Variants in TOB2 observed in about 807,000 individuals in gnomAD.
TOB2 encodes transducer of ERBB2, 2, also known as protein Tob2.
Under a neutral mutation model 17.3 loss-of-function variants are expected in TOB2, and 3 were observed. That is an observed-to-expected ratio of 0.17 (90% confidence interval 0.08 to 0.45). TOB2 has a LOEUF of 0.45. Ranked by LOEUF, TOB2 falls within the 20% of genes least tolerant of loss-of-function variation. The pLI, the probability that TOB2 is intolerant of heterozygous loss-of-function variation, is 0.99. For missense variants in TOB2, 407 were observed against 445.7 expected, an observed-to-expected ratio of 0.91 and a Z score of 0.78; for synonymous variants, 163 against 185.6, an observed-to-expected ratio of 0.88 and a Z score of 0.99.
intron 1 of TOB2, among the ~76,000 whole-genome samples, chr22:41,439,779 G>A (rs1216598967): frequency 2.0e-5 from 3 of 152,192 alleles, no homozygotes; most frequent in Non-Finnish European, 4.4e-5. Flanking sequence ...GTCTCCCAAA[G>A]TGCTGGGATT....
chr22:41,436,264 C>T lies in TOB2; in HGVS notation c.*47G>A. 2 of 1,483,478 alleles carry T rather than the reference C, an allele frequency of 1.3e-6. No homozygotes were observed. Among genetic ancestry groups the T allele is most frequent in the Non-Finnish European group, 8.9e-7 (1 of 1,117,550 alleles). 91.9% of individuals were successfully genotyped at this position (1,483,478 alleles called of 1,614,324 possible). On this transcript the variant is annotated 3_prime_UTR_variant, in exon 2 of 2. Transcript: ENST00000327492. This position sits in a 1 kb window ranked among gnomAD's most constrained non-coding sequence, Gnocchi z 4.8. ...CTCTTTTTTTTGGCCTTTCCTTTCT[C>T]TTTTCTGTGGTCTTGGGTGCTCCTG... is the stretch of plus-strand genomic sequence containing the variant.
Position 41,434,851 on chromosome 22 carries a change from C to T in TOB2, c.*1460G>A, listed in dbSNP as rs878943661. ...AGTGCTCTCCTATGATCCAATACAT[C>T]AGGCGGGAGTGCTGAGTCCGTCAGG... is the stretch of plus-strand genomic sequence containing the variant. On this transcript the variant is annotated 3_prime_UTR_variant, in exon 2 of 2. Coordinates refer to ENST00000327492, the MANE Select transcript of TOB2 (RefSeq NM_016272.4). 6.5e-6 allele frequency: 1 copy of T among 152,676 alleles called. No individual in the cohort carries two copies. Among genetic ancestry groups the T allele is most frequent in the Middle Eastern group, 3.4e-3 (1 of 298 alleles). The allele number at this position is 152,676 out of a possible 1,614,324, so 9.5% of individuals were successfully genotyped here. A position where few individuals can be genotyped will look rare whatever the true frequency, so the allele number is the denominator to read the frequency against.
Position 41,436,195 on chromosome 22 carries a change from T to C in TOB2, c.*116A>G. On this transcript the variant is annotated 3_prime_UTR_variant, in exon 2 of 2. Transcript: ENST00000327492. The surrounding 1 kb of genome is among the most constrained non-coding windows in gnomAD (Gnocchi z 4.8). ...CTGGGCTGGATCTTTTTTCTAGAAG[T>C]AAGAGTGAGAAGATCGAAAATCTTT... is the stretch of plus-strand genomic sequence containing the variant. 7.5e-7 allele frequency: 1 copy of C among 1,341,752 alleles called. No homozygotes were observed. The highest frequency in any genetic ancestry group is 1.5e-5 in the African/African-American group (1 of 68,044). 83.1% of individuals were successfully genotyped at this position (1,341,752 alleles called of 1,614,324 possible). A position where few individuals can be genotyped will look rare whatever the true frequency, so the allele number is the denominator to read the frequency against.
chr22:41,445,347 C>T (rs916610306), intron 1 of TOB2, among the ~76,000 whole-genome samples: 1 of 152,230 alleles, frequency 6.6e-6, no homozygotes, highest in South Asian at 2.1e-4. Flanking sequence ...TCCTTCCTCC[C>T]ACACAAGCTT....
At chr22:41,438,942 A>C (rs1373283149) in intron 1 of TOB2, among the ~76,000 whole-genome samples, 2 of 152,094 alleles carry the variant, frequency 1.3e-5, no homozygotes, top group Non-Finnish European at 2.9e-5. Flanking sequence ...AGATTTATCA[A>C]GTGTTTTGAG....
At chr22:41,446,112 CCCA>C (rs1251212408) in intron 1 of TOB2, among the ~76,000 whole-genome samples, 4 of 152,032 alleles carry the variant, frequency 2.6e-5, no homozygotes, top group African/African-American at 9.7e-5. Context: ...GGAAATGCAC[CCCA>C]CCCAGGAGAG....
chr22:41,445,694 C>T (rs1307492739), intron 1 of TOB2, among the ~76,000 whole-genome samples: 1 of 152,138 alleles, frequency 6.6e-6, no homozygotes, highest in African/African-American at 2.4e-5. Context: ...GGGGTAGGGC[C>T]CCACCTCGCA....
chr22:41,436,778 T>G lies in TOB2; in HGVS notation c.568A>C (p.Lys190Gln). 2 of 1,613,924 alleles carry G rather than the reference T, an allele frequency of 1.2e-6. No individual in the cohort carries two copies. The highest frequency in any genetic ancestry group is 1.7e-6 in the Non-Finnish European group (2 of 1,179,888). The change falls in exon 2 of 2, where the codon AAG becomes CAG. Residue 190 changes from lysine to glutamine, a missense_variant. Physicochemically the swap from Lys to Gln is moderately conservative, Grantham distance 53 (BLOSUM62 1). Coordinates refer to ENST00000327492, the MANE Select transcript of TOB2 (RefSeq NM_016272.4). This position sits in a 1 kb window ranked among gnomAD's most constrained non-coding sequence, Gnocchi z 4.8. Reference sequence around the variant, plus strand: ...GCTGCCCCGCCCCCCTTCTTCATCTTAGTGGAGCCAAATTTGGTGGCAGCG... The same window carrying G: ...GCTGCCCCGCCCCCCTTCTTCATCTGAGTGGAGCCAAATTTGGTGGCAGCG... ...SFAATKFGST[K>Q]MKKGGGAASG...
intron 1 of TOB2, among the ~76,000 whole-genome samples, chr22:41,445,655 A>C (rs561346802): frequency 1.3e-5 from 2 of 152,270 alleles, no homozygotes; most frequent in East Asian, 3.9e-4. Flanking sequence ...GGCACAGTTC[A>C]TCCTCCGGAC....
In TOB2 at chr22:41,436,072, A is replaced by G. The variant is rs2037542372; in HGVS notation, c.*239T>C. 2.3e-6 allele frequency: 1 copy of G among 432,938 alleles called. No individual in the cohort carries two copies. The highest frequency in any genetic ancestry group is 3.4e-5 in the East Asian group (1 of 28,998). The allele number at this position is 432,938 out of a possible 1,614,324, so 26.8% of individuals were successfully genotyped here. A position where few individuals can be genotyped will look rare whatever the true frequency, so the allele number is the denominator to read the frequency against. On this transcript the variant is annotated 3_prime_UTR_variant, in exon 2 of 2. Coordinates refer to ENST00000327492, the MANE Select transcript of TOB2 (RefSeq NM_016272.4). This position sits in a 1 kb window ranked among gnomAD's most constrained non-coding sequence, Gnocchi z 4.8. ...AAAAAAAAAAAGAAAAAGAAATATA[A>G]AACCCAAACCAACCAAATAAATCAC...
At chr22:41,438,678 C>T (rs1453957492) in intron 1 of TOB2, among the ~76,000 whole-genome samples, 1 of 73,818 alleles carries the variant, frequency 1.4e-5, no homozygotes, top group Non-Finnish European at 2.9e-5. Context: ...AGACATAAGA[C>T]AAGAGCATGA....
Position 41,434,618 on chromosome 22 carries a change from C to T in TOB2, c.*1693G>A, listed in dbSNP as rs921396679. On this transcript the variant is annotated 3_prime_UTR_variant, in exon 2 of 2. Transcript: ENST00000327492. ...GCCTGGGCTGGACCCACTGCCATAACAGTTGCCTACTTGGGGTCCCTGGGT... is the reference window on the plus strand; with the variant it reads ...GCCTGGGCTGGACCCACTGCCATAATAGTTGCCTACTTGGGGTCCCTGGGT... 6 of 152,736 alleles carry T rather than the reference C, an allele frequency of 3.9e-5. No homozygotes were observed. The highest frequency in any genetic ancestry group is 1.3e-4 in the Admixed American group (2 of 15,270). The allele number at this position is 152,736 out of a possible 1,614,324, so 9.5% of individuals were successfully genotyped here. A position where few individuals can be genotyped will look rare whatever the true frequency, so the allele number is the denominator to read the frequency against.
Position 41,437,021 on chromosome 22 carries a change from C to A in TOB2, c.325G>T (p.Val109Leu). 6.2e-7 allele frequency: 1 copy of A among 1,614,180 alleles called. No individual in the cohort carries two copies. The highest frequency in any genetic ancestry group is 8.5e-7 in the Non-Finnish European group (1 of 1,180,040). ...VSYQIGEKGA[V>L]KVLYLDDSEG... ...CTGTCATCCAGGTACAGCACTTTCA[C>A]AGCTCCCTTCTCACCAATCTGGTAG... is the stretch of plus-strand genomic sequence containing the variant. The change falls in exon 2 of 2, where the codon GTG becomes TTG. Residue 109 changes from valine to leucine, a missense_variant. Val to Leu is a conservative substitution (Grantham distance 32, BLOSUM62 1). Coordinates refer to ENST00000327492, the MANE Select transcript of TOB2 (RefSeq NM_016272.4).
chr22:41,443,276 C>G (rs1222098135), intron 1 of TOB2, among the ~76,000 whole-genome samples: 1 of 152,126 alleles, frequency 6.6e-6, no homozygotes, highest in Non-Finnish European at 1.5e-5. Context: ...GTGTGTCACA[C>G]GCGCGCGCAT....
Position 41,437,268 on chromosome 22 carries a change from G to T in TOB2, c.78C>A (p.Asp26Glu). The change falls in exon 2 of 2, where the codon GAC becomes GAA. Residue 26 changes from aspartate to glutamate, a missense_variant. Transcript: ENST00000327492. Reference protein sequence around the residue: ...LYNKLPRRRADLFGEELERLL... With the variant: ...LYNKLPRRRAELFGEELERLL... Reference sequence around the variant, plus strand: ...GCCGCTCTAGCTCCTCCCCAAACAGGTCTGCCCGGCGCCGGGGCAGCTTGT... The same window carrying T: ...GCCGCTCTAGCTCCTCCCCAAACAGTTCTGCCCGGCGCCGGGGCAGCTTGT... The T allele has an allele frequency of 1.2e-6, 2 of 1,614,108 alleles. No homozygotes were observed. The highest frequency in any genetic ancestry group is 1.7e-6 in the Non-Finnish European group (2 of 1,180,034).
chr22:41,437,015 C>G lies in TOB2; in HGVS notation c.331G>C (p.Val111Leu). The G allele has an allele frequency of 6.2e-7, 1 of 1,614,188 alleles. No homozygotes were observed. The highest frequency in any genetic ancestry group is 1.6e-4 in the Middle Eastern group (1 of 6,062). ...YQIGEKGAVKVLYLDDSEGCG... is the reference protein window; with the variant it reads ...YQIGEKGAVKLLYLDDSEGCG... The stretch of plus-strand genomic sequence containing the variant: ...CCCTCACTGTCATCCAGGTACAGCA[C>G]TTTCACAGCTCCCTTCTCACCAATC... Residue 111 changes from valine (V) to leucine (L), a missense_variant, in exon 2 of 2, where the codon GTG becomes CTG. Transcript: ENST00000327492.
chr22:41,446,168 C>A (rs2037684723), intron 1 of TOB2, among the ~76,000 whole-genome samples: 1 of 152,146 alleles, frequency 6.6e-6, no homozygotes, highest in South Asian at 2.1e-4. Flanking sequence ...CTTGGGCACC[C>A]CAGGAGCACA....
chr22:41,437,221 C>A lies in TOB2; in HGVS notation c.125G>T (p.Gly42Val). Residue 42 changes from glycine (G) to valine (V), a missense_variant, in exon 2 of 2, where the codon GGC becomes GTC. Coordinates refer to ENST00000327492, the MANE Select transcript of TOB2 (RefSeq NM_016272.4). ...LERLLKKKYE[G>V]HWYPEKPLKG... ...CAGTGGCTTCTCAGGGTACCAGTGGCCTTCATATTTCTTTTTCAAAAGCCG... is the reference window on the plus strand; with the variant it reads ...CAGTGGCTTCTCAGGGTACCAGTGGACTTCATATTTCTTTTTCAAAAGCCG... 6.2e-7 allele frequency: 1 copy of A among 1,614,070 alleles called. No individual in the cohort carries two copies. Among genetic ancestry groups the A allele is most frequent in the Non-Finnish European group, 8.5e-7 (1 of 1,180,000 alleles).
At chr22:41,438,370 T>C (rs916725506) in intron 1 of TOB2, among the ~76,000 whole-genome samples, 4 of 151,996 alleles carry the variant, frequency 2.6e-5, no homozygotes, top group Non-Finnish European at 5.9e-5. Context: ...GGCTCATGCC[T>C]GTAATCCCAG....
Sources: allele counts gnomAD v4.1 joint callset (sites outside exome capture counted in the v4.1 genomes callset), GRCh38; gene constraint gnomAD v4.1.1; non-coding constraint Gnocchi (gnomAD v3.1); transcripts MANE v1.5; gene names NCBI Gene and HGNC (gene_info 2026-07-23, HGNC 2026-07-21).